Variants in CSNK1A1 observed in about 807,000 individuals in gnomAD.
The protein encoded by CSNK1A1 is casein kinase I isoform alpha.
A neutral mutation model predicts 46.1 loss-of-function variants in CSNK1A1; 7 were observed. That is an observed-to-expected ratio of 0.15 (90% CI 0.09 to 0.29). The LOEUF is 0.29. CSNK1A1 is among the 10% of genes least tolerant of loss of function. The pLI, the probability that CSNK1A1 is intolerant of heterozygous loss-of-function variation, is 1.00. For missense variants in CSNK1A1, 96 were observed against 417.1 expected (o/e 0.23, Z 6.71); for synonymous variants, 137 against 141.5 (o/e 0.97, Z 0.23).
At position 149,550,804 on chromosome 5, in the gene CSNK1A1, A is replaced by T. The variant is rs756091941; in HGVS notation, c.123+38T>A. The T allele has an allele frequency of 1.2e-6, 2 of 1,613,344 alleles. No homozygotes were observed. Among genetic ancestry groups the T allele is most frequent in the African/African-American group, 2.7e-5 (2 of 74,886 alleles). On this transcript the variant is annotated intron_variant, in intron 1 of 9. Coordinates refer to ENST00000377843, the MANE Select transcript of CSNK1A1 (RefSeq NM_001892.6). The surrounding 1 kb of genome is among the most constrained non-coding windows in gnomAD (Gnocchi z 4.3). ...GGTGGTGGTGGGGGGAATGAGTAAAAGCGCAGCGTTATCGTGAACCCCACC... is the reference window on the plus strand; with the variant it reads ...GGTGGTGGTGGGGGGAATGAGTAAATGCGCAGCGTTATCGTGAACCCCACC...
intron 9 of CSNK1A1, chr5:149,501,247 A>T: frequency 1.0e-6 from 1 of 985,386 alleles, no homozygotes; most frequent in Non-Finnish European, 1.2e-6. Flanking sequence ...AGATCTTTCC[A>T]GCTTTACTGT....
At chr5:149,512,095 T>C (rs1761242482) in intron 5 of CSNK1A1, among the ~76,000 whole-genome samples, 1 of 152,052 alleles carries the variant, frequency 6.6e-6, no homozygotes, top group Non-Finnish European at 1.5e-5. Context: ...AACAACTGTC[T>C]TACAATTTAA....
intron 9 of CSNK1A1, chr5:149,498,310 A>G: frequency 2.0e-6 from 2 of 985,434 alleles, no homozygotes; most frequent in Non-Finnish European, 2.4e-6. Context: ...TAAGTCCATA[A>G]GCACCAAATG....
At chr5:149,498,783 G>GA (rs144871797) in intron 9 of CSNK1A1, 1 of 985,150 alleles carries the variant, frequency 1.0e-6, no homozygotes, top group African/African-American at 1.7e-5. Context: ...CTTTCAAAGG[G>GA]AAAACCACCA....
At chr5:149,505,311 CTTTT>C in intron 9 of CSNK1A1, 132 bp downstream of exon 9, 1 of 1,103,030 alleles carries the variant, frequency 9.1e-7, no homozygotes, top group South Asian at 2.1e-5. Flanking sequence ...CCAAGGACGT[CTTTT>C]TTTTTTTAAC....
chr5:149,529,604 C>T, intron 2 of CSNK1A1: 1 of 435,144 alleles, frequency 2.3e-6, no homozygotes, highest in Non-Finnish European at 4.6e-6. Context: ...AAGGGCTTAC[C>T]AGGCAGGGGC....
chr5:149,514,566 A>C (rs1483916879), intron 4 of CSNK1A1, among the ~76,000 whole-genome samples: 1 of 152,154 alleles, frequency 6.6e-6, no homozygotes, highest in Non-Finnish European at 1.5e-5. Context: ...TCTTCTCTCC[A>C]TTAGACTACT....
chr5:149,514,904 T>C (rs772085503), intron 4 of CSNK1A1, among the ~76,000 whole-genome samples: 26 of 152,308 alleles, frequency 1.7e-4, no homozygotes, highest in Non-Finnish European at 1.5e-4. Flanking sequence ...AGTAAAAAGA[T>C]TAAACTCCCT....
chr5:149,520,852 A>G (rs1049321312), intron 3 of CSNK1A1, among the ~76,000 whole-genome samples: 2 of 152,228 alleles, frequency 1.3e-5, no homozygotes, highest in Non-Finnish European at 2.9e-5. Context: ...TTGGGAGTGG[A>G]GGATGTTGAC....
At chr5:149,515,850 G>T (rs1003775883) in intron 4 of CSNK1A1, among the ~76,000 whole-genome samples, 4 of 152,168 alleles carry the variant, frequency 2.6e-5, no homozygotes, top group Non-Finnish European at 5.9e-5. Flanking sequence ...TCAAATAAGC[G>T]TAAGATAATG....
In CSNK1A1 at chr5:149,495,445, AAAAG is replaced by A. The variant is rs1246717849; in HGVS notation, c.*1404_*1407del. Reference sequence around the variant, plus strand: ...GTTTTCCTTTCTCATGGGTCAGAGAAAAAGAAATGAGCGTGCAAAGAAGATTGAG... The same window carrying A: ...GTTTTCCTTTCTCATGGGTCAGAGAAAAATGAGCGTGCAAAGAAGATTGAG... On this transcript the variant is annotated 3_prime_UTR_variant, in exon 10 of 10. Transcript: ENST00000377843. The A allele has an allele frequency of 6.6e-6, 1 of 152,182 alleles. No individual in the cohort carries two copies. The highest frequency in any genetic ancestry group is 1.5e-5 in the Non-Finnish European group (1 of 68,032). The allele number at this position is 152,182 out of a possible 1,614,324, so 9.4% of individuals were successfully genotyped here. A position where few individuals can be genotyped will look rare whatever the true frequency, so the allele number is the denominator to read the frequency against.
intron 2 of CSNK1A1, among the ~76,000 whole-genome samples, chr5:149,529,082 T>G (rs533234584): frequency 6.6e-6 from 1 of 152,204 alleles, no homozygotes; most frequent in Non-Finnish European, 1.5e-5. Context: ...TCCAGTTGAT[T>G]TGGACCTTAT....
intron 8 of CSNK1A1, among the ~76,000 whole-genome samples, chr5:149,506,240 CTTTG>C (rs1433463426): frequency 6.6e-6 from 1 of 151,306 alleles, no homozygotes; most frequent in Non-Finnish European, 1.5e-5. Flanking sequence ...TACTTGAATT[CTTTG>C]TTTTTCTCTT....
At chr5:149,520,202 G>T in intron 4 of CSNK1A1, 88 bp downstream of exon 4, 1 of 806,618 alleles carries the variant, frequency 1.2e-6, no homozygotes, top group African/African-American at 1.7e-5. Context: ...AACTTACTAT[G>T]GCTTTTTAAA....
intron 4 of CSNK1A1, among the ~76,000 whole-genome samples, chr5:149,519,661 T>C (rs1001862526): frequency 6.6e-6 from 1 of 152,346 alleles, no homozygotes; most frequent in Non-Finnish European, 1.5e-5. Context: ...TGAATGTTCA[T>C]TTCACTTGTC....
At chr5:149,537,644 T>A (rs929993075) in intron 2 of CSNK1A1, among the ~76,000 whole-genome samples, 1 of 151,398 alleles carries the variant, frequency 6.6e-6, no homozygotes, top group Non-Finnish European at 1.5e-5. Context: ...CCAGAATTGG[T>A]CAAACAAAAA....
chr5:149,530,798 T>G (rs1270115741), intron 2 of CSNK1A1, among the ~76,000 whole-genome samples: 2 of 151,724 alleles, frequency 1.3e-5, no homozygotes, highest in African/African-American at 4.8e-5. Context: ...AAACCCCGTC[T>G]CTACTAAAAA....
In CSNK1A1 at chr5:149,495,093, GA is replaced by G. The variant is rs1406421377; in HGVS notation, c.*1759del. ...CAAGGGTGGATAGAAAAGAAACAAAGAAGCTGCCTACCCCAGAAGTTCAGAC... is the reference window on the plus strand; with the variant it reads ...CAAGGGTGGATAGAAAAGAAACAAAGAGCTGCCTACCCCAGAAGTTCAGAC... On this transcript the variant is annotated 3_prime_UTR_variant, in exon 10 of 10. Transcript: ENST00000377843. 3.9e-5 allele frequency: 6 copies of G among 152,162 alleles called. No individual in the cohort carries two copies. Among genetic ancestry groups the G allele is most frequent in the African/African-American group, 1.4e-4 (6 of 41,528 alleles). The allele number at this position is 152,162 out of a possible 1,614,324, so 9.4% of individuals were successfully genotyped here.
At chr5:149,497,364 T>C (rs1760686573) in intron 9 of CSNK1A1, 3 of 986,410 alleles carry the variant, frequency 3.0e-6, no homozygotes, top group Non-Finnish European at 2.4e-6. Flanking sequence ...AAGCATGTAA[T>C]TTCTGTAGAG....
Sources: allele counts gnomAD v4.1 joint callset (sites outside exome capture counted in the v4.1 genomes callset), GRCh38; gene constraint gnomAD v4.1.1; non-coding constraint Gnocchi (gnomAD v3.1); transcripts MANE v1.5; gene names NCBI Gene and HGNC (gene_info 2026-07-23, HGNC 2026-07-21).